Variants in ESRRG observed in about 807,000 individuals in gnomAD.
ESRRG encodes the protein estrogen related receptor gamma.
A neutral mutation model predicts 44.0 loss-of-function variants in ESRRG; 13 were observed. That is an observed-to-expected ratio of 0.30 (90% CI 0.19 to 0.47). The LOEUF (loss-of-function observed/expected upper bound fraction) is 0.47. ESRRG is among the 20% of genes least tolerant of loss of function. The pLI, the probability that ESRRG is intolerant of heterozygous loss-of-function variation, is 1.00. For synonymous variants in ESRRG, 215 were observed against 214.6 expected, an observed-to-expected ratio of 1.00 and a Z score of -0.02; for missense variants, 395 against 580.6, an observed-to-expected ratio of 0.68 and a Z score of 3.29.
intron 1 of ESRRG, among the ~76,000 whole-genome samples, chr1:217,003,828 G>A (rs2077379311): frequency 6.6e-6 from 1 of 151,604 alleles, no homozygotes; most frequent in Non-Finnish European, 1.5e-5. Flanking sequence ...CATCATAAAT[G>A]TAATTTCAAT....
chr1:216,678,252 C>G (rs10863265), intron 1 of ESRRG, among the ~76,000 whole-genome samples: 36,293 of 152,186 alleles, frequency 0.24, 4,789 homozygotes, highest in Non-Finnish European at 0.3. Context: ...CACCAACATT[C>G]ATTAATAAAT....
At chr1:216,775,472 T>G (rs1217590242) in intron 2 of ESRRG, among the ~76,000 whole-genome samples, 1 of 151,110 alleles carries the variant, frequency 6.6e-6, no homozygotes, top group East Asian at 2.0e-4. Flanking sequence ...TTTCTCATGT[T>G]GGTGAACCAC....
At chr1:216,698,519 A>G (rs1396621580) in intron 1 of ESRRG, among the ~76,000 whole-genome samples, 1 of 40,154 alleles carries the variant, frequency 2.5e-5, no homozygotes, top group Non-Finnish European at 1.0e-4. Flanking sequence ...ACTCAGTCTC[A>G]AAAAAAAAAA....
rs1208663367 is a variant in ESRRG, at chr1:217,059,964, T to A, written c.-106+29543A>T. On this transcript the variant is annotated intron_variant, in intron 1 of 7. Coordinates refer to the ESRRG transcript ENST00000359162. ...CACACTGGGTGACAAATGTATTTTT[T>A]AAAAATACAAAGAAATTATTATTAC... Among the ~76,000 whole-genome samples, 4 of 152,040 alleles carry A rather than the reference T, an allele frequency of 2.6e-5. No individual in the cohort carries two copies. The East Asian group carries it at 5.8e-4, about 22-fold the overall frequency.
intron 2 of ESRRG, among the ~76,000 whole-genome samples, chr1:216,836,985 T>G (rs2095575340): frequency 6.6e-6 from 1 of 152,040 alleles, no homozygotes; most frequent in African/African-American, 2.4e-5. Context: ...AGCAGAAACA[T>G]AATTGCTTCC....
intron 1 of ESRRG, among the ~76,000 whole-genome samples, chr1:216,683,740 C>G (rs1037229274): frequency 6.6e-6 from 1 of 152,182 alleles, no homozygotes. Flanking sequence ...TAATTTCATA[C>G]CTACTGACCA....
intron 1 of ESRRG, among the ~76,000 whole-genome samples, chr1:217,026,908 C>CAGAGAGAGAGAGAGAGAGAG (rs1254896528): frequency 2.2e-4 from 20 of 90,820 alleles, no homozygotes; most frequent in African/African-American, 5.7e-4. Flanking sequence ...CACACACACA[C>CAGAGAGAGAGAGAGAGAGAG]ACACAGAGAG....
chr1:216,720,773 G>A (rs1295938539), intron 1 of ESRRG, among the ~76,000 whole-genome samples: 1 of 152,050 alleles, frequency 6.6e-6, no homozygotes, highest in Non-Finnish European at 1.5e-5. Context: ...CTCCAAACAC[G>A]AATCTTAAAA....
chr1:217,119,486 A>G (rs960229428), intron 1 of ESRRG, among the ~76,000 whole-genome samples: 4 of 152,236 alleles, frequency 2.6e-5, no homozygotes, highest in African/African-American at 9.6e-5. Context: ...ATACAAATGA[A>G]AAGAAAAAGA....
chr1:216,968,202 CT>C (rs1194881751), intron 1 of ESRRG, among the ~76,000 whole-genome samples: 1 of 151,992 alleles, frequency 6.6e-6, no homozygotes, highest in Non-Finnish European at 1.5e-5. Flanking sequence ...TTCTCATTCC[CT>C]TGACAGTGTC....
chr1:216,838,781 A>G (rs1186658902), intron 2 of ESRRG, among the ~76,000 whole-genome samples: 1 of 152,214 alleles, frequency 6.6e-6, no homozygotes, highest in Non-Finnish European at 1.5e-5. Flanking sequence ...ACCATAATAT[A>G]GTGTGCAATA....
intron 1 of ESRRG, among the ~76,000 whole-genome samples, chr1:217,133,511 T>TAA (rs1349609053): frequency 3.0e-4 from 45 of 152,230 alleles, no homozygotes; most frequent in African/African-American, 8.7e-4. Context: ...TGTCTGAGGG[T>TAA]CCTTGGCTAA....
intron 2 of ESRRG, among the ~76,000 whole-genome samples, chr1:216,924,864 C>T (rs993220181): frequency 1.3e-5 from 2 of 152,058 alleles, no homozygotes; most frequent in African/African-American, 4.8e-5. Flanking sequence ...TTCAATTGTT[C>T]CTCAGCCCCT....
upstream of ESRRG, among the ~76,000 whole-genome samples, chr1:216,726,897 G>A (rs2087637796): frequency 1.3e-5 from 2 of 152,144 alleles, no homozygotes; most frequent in East Asian, 3.9e-4. Context: ...GGAAACAACA[G>A]GAAGATTCCT....
intron 5 of ESRRG, among the ~76,000 whole-genome samples, chr1:216,542,217 CA>C (rs2149279089): frequency 6.6e-6 from 1 of 151,492 alleles, no homozygotes; most frequent in Admixed American, 6.6e-5. Flanking sequence ...TGTTGAATTC[CA>C]TTTTTTTTTC....
rs926089057 is a variant in ESRRG at position 216,927,262 on chromosome 1, C to T, written c.-14+12320G>A. Among the ~76,000 whole-genome samples the T allele has an allele frequency of 2.6e-5, 4 of 152,136 alleles. 1 individual carries two copies. The highest frequency in any genetic ancestry group is 5.9e-5 in the Non-Finnish European group (4 of 68,016). ...AAAATGGCAAGAGCCTATGGGAATG[C>T]GGTGCCTGGGGCAATGTTCCTTTTT... On this transcript the variant is annotated intron_variant, in intron 2 of 7. Coordinates refer to the ESRRG transcript ENST00000359162.
chr1:216,729,610 A>C (rs1169761452), intron 2 of ESRRG, among the ~76,000 whole-genome samples: 4 of 152,176 alleles, frequency 2.6e-5, no homozygotes, highest in Admixed American at 6.5e-5. Context: ...AGTTACCATG[A>C]TGTTTTCTGC....
chr1:217,069,501 A>G lies in ESRRG; in HGVS notation c.-106+20006T>C, dbSNP rs529951368. ...TCTAGAGAACCCTAATACAATAATT[A>G]AACTGACTTAAGAAGGTTGCCTAAC... On this transcript the variant is annotated intron_variant, in intron 1 of 7. Transcript: ENST00000359162. Among the ~76,000 whole-genome samples the G allele has an allele frequency of 3.3e-5, 5 of 152,052 alleles. No homozygotes were observed. In the East Asian group the frequency reaches 9.7e-4, roughly 29 times the overall value.
At chr1:216,936,510 C>T (rs941516087) in intron 2 of ESRRG, among the ~76,000 whole-genome samples, 3 of 151,062 alleles carry the variant, frequency 2.0e-5, no homozygotes, top group Admixed American at 1.3e-4. Flanking sequence ...CACACACAAA[C>T]ACACACACAC....
Sources: gnomAD v4.1 joint callset for allele counts (sites outside exome capture counted in the v4.1 genomes callset) on GRCh38, gnomAD v4.1.1 for gene constraint, MANE v1.5 for transcripts, NCBI Gene and HGNC (gene_info 2026-07-23, HGNC 2026-07-21) for gene names.